ODF2: variants seen among roughly 807,000 people sequenced by gnomAD.
ODF2 encodes the protein outer dense fiber of sperm tails 2, also known as outer dense fiber protein 2.
Under a neutral mutation model 110.2 loss-of-function variants are expected in ODF2, and 47 were observed. That is an observed-to-expected ratio of 0.43 (90% CI 0.34 to 0.54). ODF2 has a LOEUF of 0.54. ODF2 is among the 20% of genes least tolerant of loss of function. ODF2 has a pLI of 0.03. For missense variants in ODF2, 812 were observed against 1,054.5 expected, an observed-to-expected ratio of 0.77 and a Z score of 3.19; for synonymous variants, 352 against 397.7, an observed-to-expected ratio of 0.89 and a Z score of 1.37.
At chr9:128,467,208 C>G (rs1008832245) in intron 4 of ODF2, among the ~76,000 whole-genome samples, 2 of 150,472 alleles carry the variant, frequency 1.3e-5, no homozygotes, top group African/African-American at 4.9e-5. Flanking sequence ...CCTATTGCTC[C>G]TAGGCTACAG....
intron 4 of ODF2, among the ~76,000 whole-genome samples, chr9:128,467,163 T>C (rs1838418923): frequency 6.7e-6 from 1 of 149,748 alleles, no homozygotes; most frequent in Non-Finnish European, 1.5e-5. Context: ...CCGAGATTGG[T>C]AAAGCCTGCT....
intron 20 of ODF2, 58 bp downstream of exon 20, chr9:128,499,184 G>T: frequency 6.2e-7 from 1 of 1,600,198 alleles, no homozygotes; most frequent in East Asian, 2.2e-5. Flanking sequence ...GCTTCTGTGG[G>T]GCCTGTGGGC....
At chr9:128,457,762 G>A (rs1458591718) in intron 2 of ODF2, among the ~76,000 whole-genome samples, 1 of 152,086 alleles carries the variant, frequency 6.6e-6, no homozygotes, top group African/African-American at 2.4e-5. Context: ...CGTAGGAGGT[G>A]GATGTGGCAG....
intron 18 of ODF2, chr9:128,497,446 A>AAAAAATATAT (rs1554857542): frequency 1.6e-4 from 7 of 42,588 alleles, no homozygotes; most frequent in Non-Finnish European, 2.1e-4. Flanking sequence ...AAAAAAAAAA[A>AAAAAATATAT]ATATATATAT....
At position 128,484,686 on chromosome 9, in the gene ODF2, C is replaced by G. The variant is rs1432320502; in HGVS notation, c.1105-15C>G. 1 of 1,553,234 alleles carries G rather than the reference C, an allele frequency of 6.4e-7. No homozygotes were observed. The highest frequency in any genetic ancestry group is 2.4e-5 in the East Asian group (1 of 41,048). ...CTCTCTTCTCCCTCTCTTTCTCACC[C>G]CTTCCCCCTTCCAGAATCTGGAGCG... is the stretch of plus-strand genomic sequence containing the variant. On this transcript the variant is annotated splice_polypyrimidine_tract_variant and intron_variant, in intron 11 of 20. Coordinates refer to ENST00000604420, the Ensembl canonical transcript of ODF2.
Position 128,494,884 on chromosome 9 carries a change from G to T in ODF2, c.1911+216G>T. 6.9e-7 allele frequency: 1 copy of T among 1,439,674 alleles called. No homozygotes were observed. Among genetic ancestry groups the T allele is most frequent in the Non-Finnish European group, 9.1e-7 (1 of 1,094,792 alleles). The allele number at this position is 1,439,674 out of a possible 1,614,324, so 89.2% of individuals were successfully genotyped here. The stretch of plus-strand genomic sequence containing the variant: ...ATTGTAGTTATAGGAGCCGTCACTT[G>T]CGTGGAGTCACTGGGCCCTCCTGCT... On this transcript the variant is annotated intron_variant, in intron 17 of 20. Transcript: ENST00000604420. The surrounding 1 kb of genome is among the most constrained non-coding windows in gnomAD (Gnocchi z 4.6).
chr9:128,457,835 A>C (rs1184989914), intron 2 of ODF2, among the ~76,000 whole-genome samples: 3 of 151,948 alleles, frequency 2.0e-5, no homozygotes, highest in Admixed American at 2.0e-4. Flanking sequence ...TCCCAAAGCT[A>C]TTGGCTTTAC....
chr9:128,477,423 C>G (rs1182618902), intron 8 of ODF2, among the ~76,000 whole-genome samples: 1 of 151,692 alleles, frequency 6.6e-6, no homozygotes, highest in Non-Finnish European at 1.5e-5. Context: ...GTGGCACACA[C>G]CTATAGTCCT....
chr9:128,484,101 C>T, intron 11 of ODF2, 47 bp downstream of exon 11: 1 of 1,369,334 alleles, frequency 7.3e-7, no homozygotes, highest in Non-Finnish European at 1.0e-6. Flanking sequence ...AAGGGCCTGC[C>T]AATTTGATGG....
intron 7 of ODF2, chr9:128,473,280 A>G: frequency 1.0e-6 from 1 of 982,286 alleles, no homozygotes; most frequent in Non-Finnish European, 1.2e-6. Flanking sequence ...CTGGGATCAC[A>G]GTGAGTCAAG....
chr9:128,500,155 T>C, exon 21 of ODF2: 1 of 1,614,200 alleles, frequency 6.2e-7, no homozygotes, highest in Non-Finnish European at 8.5e-7. Flanking sequence ...CAGAACTACG[T>C]CCAGTTCCTC....
chr9:128,497,354 G>A (rs1184823663), intron 18 of ODF2: 3 of 144,180 alleles, frequency 2.1e-5, no homozygotes, highest in Non-Finnish European at 3.0e-5. Flanking sequence ...TTGGGAGGCC[G>A]AGGCGGGCGG....
Position 128,494,917 on chromosome 9 carries a change from C to T in ODF2, c.1911+249C>T. On this transcript the variant is annotated intron_variant, in intron 17 of 20. Coordinates refer to ENST00000604420, the Ensembl canonical transcript of ODF2. This position sits in a 1 kb window ranked among gnomAD's most constrained non-coding sequence, Gnocchi z 4.6. The stretch of plus-strand genomic sequence containing the variant: ...TCACTGGGCCCTCCTGCTGTTGCCC[C>T]CACCCAAGACTGCTGCCTCTGCCTG... 5 of 1,231,054 alleles carry T rather than the reference C, an allele frequency of 4.1e-6. No individual in the cohort carries two copies. The South Asian group carries it at 6.3e-5, about 16-fold the overall frequency. 76.3% of individuals were successfully genotyped at this position (1,231,054 alleles called of 1,614,324 possible).
At chr9:128,473,362 G>T (rs1840499440) in intron 7 of ODF2, 1 of 729,192 alleles carries the variant, frequency 1.4e-6, no homozygotes, top group African/African-American at 1.9e-5. Context: ...CAGGAAGTCT[G>T]CCCTGACTGT....
Position 128,469,468 on chromosome 9 carries a change from C to A in ODF2, c.420+115C>A, listed in dbSNP as rs1839161259. ...TCTGCAGGCCTTCAGGCCTCCTCTG[C>A]AGGGTTGCCCCGGGCTTCAGTTGCC... On this transcript the variant is annotated intron_variant, in intron 5 of 20. Transcript: ENST00000604420. The A allele has an allele frequency of 9.8e-6, 11 of 1,117,760 alleles. No individual in the cohort carries two copies. In the East Asian group the frequency reaches 2.4e-4, roughly 24 times the overall value. The allele number at this position is 1,117,760 out of a possible 1,614,324, so 69.2% of individuals were successfully genotyped here.
intron 6 of ODF2, 68 bp downstream of exon 6, chr9:128,471,536 A>T: frequency 6.5e-7 from 1 of 1,531,712 alleles, no homozygotes; most frequent in East Asian, 2.4e-5. Flanking sequence ...AGCCCTGGGC[A>T]ATAATGGAAA....
intron 18 of ODF2, 183 bp from the exon 19 acceptor site, chr9:128,498,229 CT>C: frequency 1.2e-6 from 1 of 822,362 alleles, no homozygotes; most frequent in Non-Finnish European, 1.7e-6. Flanking sequence ...TAACCAGTTG[CT>C]CCAGCTGCAC....
chr9:128,494,696 G>T lies in ODF2; in HGVS notation c.1911+28G>T, dbSNP rs1845279253. The T allele has an allele frequency of 5.0e-6, 8 of 1,614,070 alleles. No individual in the cohort carries two copies. The highest frequency in any genetic ancestry group is 6.8e-6 in the Non-Finnish European group (8 of 1,180,050). On this transcript the variant is annotated intron_variant, in intron 17 of 20. Transcript: ENST00000604420. This position sits in a 1 kb window ranked among gnomAD's most constrained non-coding sequence, Gnocchi z 4.6. ...AAGGGACTGGCAGAAAGGGTCCCAC[G>T]AACTGACCCGAGCAGGGGCCCGCAT...
At chr9:128,469,108 T>G (rs1301343158) in intron 4 of ODF2, 75 bp from the exon 5 acceptor site, 1 of 1,445,192 alleles carries the variant, frequency 6.9e-7, no homozygotes, top group Non-Finnish European at 9.5e-7. Flanking sequence ...AATCAGTAAA[T>G]AAGCCTCCAG....
Sources: gnomAD v4.1 joint callset for allele counts (sites outside exome capture counted in the v4.1 genomes callset) on GRCh38, gnomAD v4.1.1 for gene constraint, Gnocchi (gnomAD v3.1) non-coding constraint, MANE v1.5 for transcripts, NCBI Gene and HGNC (gene_info 2026-07-23, HGNC 2026-07-21) for gene names.